ACTN1: variants seen among roughly 807,000 people sequenced by gnomAD.
The protein encoded by ACTN1 is actinin alpha 1.
ACTN1 carries 30 observed loss-of-function variants against 119.6 expected under a neutral mutation model. The observed-to-expected ratio is 0.25, with a 90% confidence interval of 0.19 to 0.34. The LOEUF is 0.34. Among genes scored for constraint, ACTN1 ranks in the 10% least tolerant of loss-of-function variants. ACTN1 has a pLI of 1.00. For missense variants in ACTN1, 764 were observed against 1,223.4 expected, an observed-to-expected ratio of 0.62 and a Z score of 5.60; for synonymous variants, 429 against 472.6, an observed-to-expected ratio of 0.91 and a Z score of 1.20.
intron 1 of ACTN1, among the ~76,000 whole-genome samples, chr14:68,928,736 C>T (rs1029119616): frequency 4.6e-5 from 7 of 152,164 alleles, no homozygotes; most frequent in African/African-American, 1.4e-4. Context: ...GACTAGCTCC[C>T]CCAAAATGAT....
Position 68,979,169 on chromosome 14 carries a change from C to T in ACTN1, c.-113G>A. 1 of 631,410 alleles carries T rather than the reference C, an allele frequency of 1.6e-6. No individual in the cohort carries two copies. The allele number at this position is 631,410 out of a possible 1,614,324, so 39.1% of individuals were successfully genotyped here. A position where few individuals can be genotyped will look rare whatever the true frequency, so the allele number is the denominator to read the frequency against. On this transcript the variant is annotated 5_prime_UTR_variant, in exon 1 of 22. Transcript: ENST00000394419. ...GCTGGGCTGGGCTGGGCTGGCGGGGCCGGGCTCGCTCCCCTGCGCCCGGTT... is the reference window on the plus strand; with the variant it reads ...GCTGGGCTGGGCTGGGCTGGCGGGGTCGGGCTCGCTCCCCTGCGCCCGGTT...
At chr14:68,901,292 G>A (rs1200553845) in intron 8 of ACTN1, among the ~76,000 whole-genome samples, 1 of 133,756 alleles carries the variant, frequency 7.5e-6, no homozygotes, top group Admixed American at 8.6e-5. Flanking sequence ...CTGTCACCCA[G>A]GCTGGAGTGC....
At chr14:68,935,992 G>T (rs1430290143) in intron 1 of ACTN1, among the ~76,000 whole-genome samples, 1 of 152,142 alleles carries the variant, frequency 6.6e-6, no homozygotes, top group African/African-American at 2.4e-5. Flanking sequence ...AGGAAACCTG[G>T]GACCTGCCCT....
At chr14:68,903,394 T>G (rs2033463432) in intron 7 of ACTN1, among the ~76,000 whole-genome samples, 1 of 152,170 alleles carries the variant, frequency 6.6e-6, no homozygotes, top group Admixed American at 6.5e-5. Flanking sequence ...AATATAAAAA[T>G]TAGCCGGTGG....
At chr14:68,929,603 TC>T (rs1338545915) in intron 1 of ACTN1, among the ~76,000 whole-genome samples, 1 of 152,152 alleles carries the variant, frequency 6.6e-6, no homozygotes, top group African/African-American at 2.4e-5. Context: ...TACACTCCGT[TC>T]CAGAAATGGC....
chr14:68,941,816 C>T (rs909745047), intron 1 of ACTN1, among the ~76,000 whole-genome samples: 2 of 152,134 alleles, frequency 1.3e-5, no homozygotes, highest in Non-Finnish European at 2.9e-5. Flanking sequence ...CACCTTGGCA[C>T]CCAGTGTGTT....
Position 68,897,424 on chromosome 14 carries a change from G to A in ACTN1, c.763-3677C>T, listed in dbSNP as rs914782690. On this transcript the variant is annotated intron_variant, in intron 8 of 21. Coordinates refer to ENST00000394419, the MANE Select transcript of ACTN1 (RefSeq NM_001130004.2). ...CCTGGAGTTATTTTTTAAAAGATAT[G>A]AACTATTATTATCCCTGGAGTACTT... is the stretch of plus-strand genomic sequence containing the variant. 4.6e-5 allele frequency among the ~76,000 whole-genome samples: 7 copies of A among 152,192 alleles called. No individual in the cohort carries two copies. In the South Asian group the frequency reaches 1.2e-3, roughly 27 times the overall value.
intron 12 of ACTN1, 52 bp from the exon 13 acceptor site, chr14:68,884,935 C>T (rs779165545): frequency 2.8e-6 from 4 of 1,436,012 alleles, no homozygotes; most frequent in Non-Finnish European, 3.9e-6. Flanking sequence ...ATTTCATGGC[C>T]CATCTCCCTC....
At position 68,879,850 on chromosome 14, in the gene ACTN1, CTT is replaced by C. The variant is rs1001797288; in HGVS notation, c.2280+110_2280+111del. On this transcript the variant is annotated intron_variant, in intron 18 of 21. Transcript: ENST00000394419. This position sits in a 1 kb window ranked among gnomAD's most constrained non-coding sequence, Gnocchi z 4.9. ...CAGGGCAGGCTGACGGCAGTTTCCC[CTT>C]TCTCTCCCTCCTCACTTGCATGGCA... is the stretch of plus-strand genomic sequence containing the variant. 7.5e-6 allele frequency: 11 copies of C among 1,465,392 alleles called. No individual in the cohort carries two copies. The African/African-American group carries it at 1.3e-4, about 17-fold the overall frequency. 90.8% of individuals were successfully genotyped at this position (1,465,392 alleles called of 1,614,324 possible). A position where few individuals can be genotyped will look rare whatever the true frequency, so the allele number is the denominator to read the frequency against.
rs570737814 is a variant in ACTN1 at position 68,878,870 on chromosome 14, C to A, written c.2361+119G>T. On this transcript the variant is annotated intron_variant, in intron 19 of 21. Transcript: ENST00000394419. This position sits in a 1 kb window ranked among gnomAD's most constrained non-coding sequence, Gnocchi z 4.4. ...GACAGAGACAGCAGGAGAGGACGAG[C>A]CCCATGGCCCACAGGAGGGGGACAG... 7 of 1,597,072 alleles carry A rather than the reference C, an allele frequency of 4.4e-6. No individual in the cohort carries two copies. The East Asian group carries it at 1.6e-4, about 36-fold the overall frequency.
chr14:68,929,875 G>A (rs1339502755), intron 1 of ACTN1, among the ~76,000 whole-genome samples: 1 of 152,232 alleles, frequency 6.6e-6, no homozygotes, highest in Non-Finnish European at 1.5e-5. Context: ...AGGAGGTGGA[G>A]AGTGCAACTG....
chr14:68,940,171 C>T (rs1267014672), intron 1 of ACTN1, among the ~76,000 whole-genome samples: 1 of 152,220 alleles, frequency 6.6e-6, no homozygotes, highest in African/African-American at 2.4e-5. Flanking sequence ...TCTGAGAGCA[C>T]ACAGGCCTCA....
chr14:68,973,017 C>A (rs2036940169), intron 1 of ACTN1, among the ~76,000 whole-genome samples: 4 of 152,220 alleles, frequency 2.6e-5, no homozygotes. Context: ...AACGTTGCCA[C>A]ACACAGCTTT....
In ACTN1 at chr14:68,968,872, T is replaced by C. The variant is rs547005051; in HGVS notation, c.105+10080A>G. Among the ~76,000 whole-genome samples the C allele has an allele frequency of 2.0e-5, 3 of 152,364 alleles. No homozygotes were observed. In the East Asian group the frequency reaches 5.8e-4, roughly 29 times the overall value. On this transcript the variant is annotated intron_variant, in intron 1 of 21. Coordinates refer to ENST00000394419, the MANE Select transcript of ACTN1 (RefSeq NM_001130004.2). ...GCACAGTACCAGGGCTGGCTGCTGCTGGGGGCAGGGCAGCGGGACGCAGGG... is the reference window on the plus strand; with the variant it reads ...GCACAGTACCAGGGCTGGCTGCTGCCGGGGGCAGGGCAGCGGGACGCAGGG...
intron 1 of ACTN1, among the ~76,000 whole-genome samples, chr14:68,967,869 C>T (rs979623974): frequency 6.6e-6 from 1 of 152,230 alleles, no homozygotes; most frequent in Non-Finnish European, 1.5e-5. Flanking sequence ...ATATCCAGAG[C>T]AGTCTCTTGT....
At chr14:68,902,903 G>A (rs2033433133) in intron 7 of ACTN1, among the ~76,000 whole-genome samples, 1 of 152,336 alleles carries the variant, frequency 6.6e-6, no homozygotes, top group Non-Finnish European at 1.5e-5. Context: ...CCGAATGCCA[G>A]TATGGACCTT....
At chr14:68,950,502 T>C (rs2036124365) in intron 1 of ACTN1, among the ~76,000 whole-genome samples, 1 of 125,032 alleles carries the variant, frequency 8.0e-6, no homozygotes, top group Non-Finnish European at 1.6e-5. Flanking sequence ...AAATCTGTGG[T>C]ATAGAAAAAT....
intron 11 of ACTN1, among the ~76,000 whole-genome samples, chr14:68,889,749 A>G (rs1217214695): frequency 6.6e-6 from 1 of 152,192 alleles, no homozygotes; most frequent in East Asian, 1.9e-4. Flanking sequence ...TCACCATTGC[A>G]TTCGATCCTG....
At chr14:68,978,899 C>CGGGGGTG (rs1260370922) in intron 1 of ACTN1, 53 bp downstream of exon 1, 2 of 1,113,370 alleles carry the variant, frequency 1.8e-6, no homozygotes, top group Non-Finnish European at 2.5e-6. Flanking sequence ...CAGAGCGGGT[C>CGGGGGTG]GGGGCTGGGG....
Sources: allele counts gnomAD v4.1 joint callset (sites outside exome capture counted in the v4.1 genomes callset), GRCh38; gene constraint gnomAD v4.1.1; non-coding constraint Gnocchi (gnomAD v3.1); transcripts MANE v1.5; gene names NCBI Gene and HGNC (gene_info 2026-07-23, HGNC 2026-07-21).